The following KCNN2 variants were observed in gnomAD, a reference collection of about 807,000 sequenced individuals.
The protein encoded by KCNN2 is small conductance calcium-activated potassium channel protein 2.
In KCNN2, 24 loss-of-function variants were observed where a neutral mutation model predicts 55.5. The ratio of observed to expected loss-of-function variants is 0.43; its 90% confidence interval spans 0.31 to 0.61. KCNN2 has a LOEUF of 0.61. KCNN2 is among the 20% of genes least tolerant of loss of function. KCNN2 has a pLI of 0.08. For synonymous variants in KCNN2, 431 were observed against 336.1 expected, an observed-to-expected ratio of 1.28 and a Z score of -3.09; for missense variants, 754 against 853.6, an observed-to-expected ratio of 0.88 and a Z score of 1.45.
Position 114,432,542 on chromosome 5 carries a change from G to A in KCNN2, c.1637+27686G>A, listed in dbSNP as rs564439410. On this transcript the variant is annotated intron_variant, in intron 3 of 7. Transcript: ENST00000673685. Reference sequence around the variant, plus strand: ...CTGGCAGTCCTCACAGCCCTCGCTCGCTCTCGGCGCCTCCTCTGCCTGGGC... The same window carrying A: ...CTGGCAGTCCTCACAGCCCTCGCTCACTCTCGGCGCCTCCTCTGCCTGGGC... Among the ~76,000 whole-genome samples, 14 of 152,246 alleles carry A rather than the reference G, an allele frequency of 9.2e-5. No homozygotes were observed. The South Asian group carries it at 1.7e-3, about 18-fold the overall frequency.
At chr5:114,458,347 CA>C (rs1761022875) in intron 3 of KCNN2, among the ~76,000 whole-genome samples, 1 of 152,174 alleles carries the variant, frequency 6.6e-6, no homozygotes, top group Non-Finnish European at 1.5e-5. Flanking sequence ...ATTATTTTTA[CA>C]GATATAAAAA....
At chr5:114,163,680 G>A (rs114217773) in intron 1 of KCNN2, among the ~76,000 whole-genome samples, 4,700 of 152,094 alleles carry the variant, frequency 0.031, 250 homozygotes, top group African/African-American at 0.11. Context: ...GCCCTCTCTG[G>A]TGTTCCTGAT....
chr5:114,089,255 A>G (rs1751085825), intron 1 of KCNN2, among the ~76,000 whole-genome samples: 1 of 152,210 alleles, frequency 6.6e-6, no homozygotes, highest in Admixed American at 6.5e-5. Context: ...TGAGCTTGAT[A>G]CTTTTGAGAC....
intron 2 of KCNN2, among the ~76,000 whole-genome samples, chr5:114,315,131 C>G (rs1240390156): frequency 6.6e-6 from 1 of 152,148 alleles, no homozygotes; most frequent in African/African-American, 2.4e-5. Flanking sequence ...CTCAACCATC[C>G]TTGTCCCAGG....
chr5:114,059,925 A>T (rs192960122), intron 1 of KCNN2, among the ~76,000 whole-genome samples: 428 of 152,360 alleles, frequency 2.8e-3, no homozygotes, highest in Middle Eastern at 6.8e-3. Flanking sequence ...TGAAAGGATC[A>T]GGCTGTTGGT....
intron 2 of KCNN2, among the ~76,000 whole-genome samples, chr5:114,354,075 C>T (rs1321818799): frequency 6.6e-6 from 1 of 151,846 alleles, no homozygotes; most frequent in Non-Finnish European, 1.5e-5. Context: ...TGGTGTCTCA[C>T]ATTTCTCTGA....
chr5:114,065,857 T>A, intron 1 of KCNN2, among the ~76,000 whole-genome samples: 1 of 77,090 alleles, frequency 1.3e-5, no homozygotes, highest in East Asian at 5.5e-4. Flanking sequence ...TTTTTTTTTT[T>A]TTTTTTTTTT....
At chr5:114,386,415 TTTGA>T (rs1418375723) in intron 2 of KCNN2, among the ~76,000 whole-genome samples, 7 of 152,168 alleles carry the variant, frequency 4.6e-5, no homozygotes, top group Admixed American at 2.0e-4. Flanking sequence ...TTCAATTAAA[TTTGA>T]TTGAGTTCTT....
chr5:114,473,323 AC>A (rs1018239083), intron 5 of KCNN2, 159 bp downstream of exon 5: 1 of 621,240 alleles, frequency 1.6e-6, no homozygotes, highest in African/African-American at 1.8e-5. Flanking sequence ...TTGAGAATAG[AC>A]TATTTCTACC....
rs1180310046 is a variant in KCNN2, at chr5:114,241,824, G to GTGTGTATATATA, written c.-185+20260_-185+20261insGTGTATATATAT. On this transcript the variant is annotated intron_variant, in intron 2 of 10. Transcript: ENST00000512097. ...TATATACGTATATATATATATGTGT[G>GTGTGTATATATA]TATATATATATATATATATATGGAG... Among the ~76,000 whole-genome samples, 124 of 31,952 alleles carry GTGTGTATATATA rather than the reference G, an allele frequency of 3.9e-3. 33 individuals are homozygous for GTGTGTATATATA. The highest frequency in any genetic ancestry group is 0.014 in the South Asian group (9 of 664). 21.0% of individuals were successfully genotyped at this position (31,952 alleles called of 152,430 possible).
intron 5 of KCNN2, chr5:114,486,758 A>AT: frequency 7.7e-7 from 1 of 1,303,440 alleles, no homozygotes; most frequent in Non-Finnish European, 1.0e-6. Context: ...ACACCCCTTG[A>AT]TTAAAAAAAA....
intron 1 of KCNN2, among the ~76,000 whole-genome samples, chr5:114,148,587 G>A (rs1752452064): frequency 6.6e-6 from 1 of 152,120 alleles, no homozygotes; most frequent in Non-Finnish European, 1.5e-5. Flanking sequence ...AGGGGTCCTG[G>A]AGTGTCGAAA....
intron 1 of KCNN2, among the ~76,000 whole-genome samples, chr5:114,098,698 C>G (rs1003405476): frequency 2.0e-4 from 31 of 152,232 alleles, no homozygotes; most frequent in African/African-American, 7.0e-4. Flanking sequence ...CCACACTTCT[C>G]TTTTATGGAG....
intron 2 of KCNN2, among the ~76,000 whole-genome samples, chr5:114,354,170 T>C (rs1010334027): frequency 6.6e-6 from 1 of 152,076 alleles, no homozygotes; most frequent in Admixed American, 6.6e-5. Context: ...TTCAGTTTAT[T>C]GATTCTTTTT....
intron 2 of KCNN2, among the ~76,000 whole-genome samples, chr5:114,392,122 C>T (rs1758466041): frequency 6.6e-6 from 1 of 152,106 alleles, no homozygotes; most frequent in Admixed American, 6.6e-5. Context: ...TTCTGTAGTG[C>T]AGATAGGCAA....
chr5:114,465,411 G>A (rs533968672), intron 4 of KCNN2, among the ~76,000 whole-genome samples: 2 of 152,178 alleles, frequency 1.3e-5, no homozygotes, highest in East Asian at 1.9e-4. Context: ...TTGGGAGTTC[G>A]AGACCAACCT....
chr5:114,110,119 C>A (rs988402038), intron 1 of KCNN2, among the ~76,000 whole-genome samples: 2 of 152,068 alleles, frequency 1.3e-5, no homozygotes, highest in African/African-American at 4.8e-5. Flanking sequence ...CCTGCTGTTG[C>A]CTTGATCTCA....
chr5:114,230,122 A>C (rs1754327001), intron 2 of KCNN2, among the ~76,000 whole-genome samples: 1 of 152,170 alleles, frequency 6.6e-6, no homozygotes. Context: ...TTAGTAATTA[A>C]TTTTGTCCTT....
At chr5:114,234,505 T>G (rs1282059996) in intron 2 of KCNN2, among the ~76,000 whole-genome samples, 2 of 152,220 alleles carry the variant, frequency 1.3e-5, no homozygotes, top group African/African-American at 4.8e-5. Context: ...TATATTGAAC[T>G]AATGCAGTAT....
Sources: allele counts gnomAD v4.1 joint callset (sites outside exome capture counted in the v4.1 genomes callset), GRCh38; gene constraint gnomAD v4.1.1; transcripts MANE v1.5; gene names NCBI Gene and HGNC (gene_info 2026-07-23, HGNC 2026-07-21).